Variants in DLK1 observed in about 807,000 individuals in gnomAD.
DLK1 encodes the protein protein delta homolog 1.
A neutral mutation model predicts 35.2 loss-of-function variants in DLK1; 9 were observed. That is an observed-to-expected ratio of 0.26 (90% CI 0.15 to 0.45). DLK1 has a LOEUF of 0.45. DLK1 is among the 20% of genes least tolerant of loss of function. DLK1 has a pLI of 1.00. For synonymous variants in DLK1, 231 were observed against 228.4 expected (o/e 1.01, Z -0.10); for missense variants, 522 against 528.5 (o/e 0.99, Z 0.12).
intron 1 of DLK1, among the ~76,000 whole-genome samples, chr14:100,727,732 C>T (rs1389747368): frequency 6.6e-6 from 1 of 152,128 alleles, no homozygotes; most frequent in African/African-American, 2.4e-5. Flanking sequence ...AGCTGGGGAG[C>T]TGGTTGAGTA....
In DLK1 at chr14:100,735,216, T is replaced by C. The variant is rs1294445276; in HGVS notation, c.*320T>C. ...AAAAACAAGGCAACAGAACCAGGGC[T>C]CAGTGCCGACGCCCCTACCCTGGGG... On this transcript the variant is annotated 3_prime_UTR_variant, in exon 5 of 5. Coordinates refer to ENST00000341267, the MANE Select transcript of DLK1 (RefSeq NM_003836.7). 1 of 239,524 alleles carries C rather than the reference T, an allele frequency of 4.2e-6. No individual in the cohort carries two copies. Among genetic ancestry groups the C allele is most frequent in the Non-Finnish European group, 7.9e-6 (1 of 126,756 alleles). The allele number at this position is 239,524 out of a possible 1,614,324, so 14.8% of individuals were successfully genotyped here.
At chr14:100,733,382 C>T (rs1359704036) in intron 4 of DLK1, among the ~76,000 whole-genome samples, 1 of 152,184 alleles carries the variant, frequency 6.6e-6, no homozygotes, top group Non-Finnish European at 1.5e-5. Context: ...AAAGCACTTA[C>T]ATTAAATGCT....
In DLK1 at chr14:100,735,758, G is replaced by A. The variant is rs1469972837; in HGVS notation, c.*862G>A. The A allele has an allele frequency of 6.6e-6, 1 of 152,200 alleles. No individual in the cohort carries two copies. Among genetic ancestry groups the A allele is most frequent in the African/African-American group, 2.4e-5 (1 of 41,448 alleles). The allele number at this position is 152,200 out of a possible 1,614,324, so 9.4% of individuals were successfully genotyped here. On this transcript the variant is annotated 3_prime_UTR_variant, in exon 5 of 5. Transcript: ENST00000341267. ...TGATGTTGAAATTTATCCTAACTGT[G>A]TTTCTCAAAGTGGGGAGCCTCCTGG...
intron 3 of DLK1, among the ~76,000 whole-genome samples, chr14:100,729,742 G>A (rs1680785731): frequency 6.6e-6 from 1 of 152,142 alleles, no homozygotes; most frequent in African/African-American, 2.4e-5. Context: ...GCATTTTCAG[G>A]CTGCGAAATG....
chr14:100,730,170 G>A (rs1171814380), intron 3 of DLK1, among the ~76,000 whole-genome samples: 1 of 152,182 alleles, frequency 6.6e-6, no homozygotes, highest in Non-Finnish European at 1.5e-5. Context: ...TATGGTGCAA[G>A]GTTTACCCGC....
Position 100,735,008 on chromosome 14 carries a change from G to C in DLK1, c.*112G>C. The C allele has an allele frequency of 7.1e-7, 1 of 1,401,524 alleles. No homozygotes were observed. The highest frequency in any genetic ancestry group is 9.5e-7 in the Non-Finnish European group (1 of 1,049,732). 86.8% of individuals were successfully genotyped at this position (1,401,524 alleles called of 1,614,324 possible). A position where few individuals can be genotyped will look rare whatever the true frequency, so the allele number is the denominator to read the frequency against. ...ATCTCTTGTGTCAAATCTGGTGAAC[G>C]CTACGCTTACATATATTGTCTTTGT... is the stretch of plus-strand genomic sequence containing the variant. On this transcript the variant is annotated 3_prime_UTR_variant, in exon 5 of 5. Coordinates refer to ENST00000341267, the MANE Select transcript of DLK1 (RefSeq NM_003836.7).
chr14:100,730,529 C>A (rs1228060710), intron 3 of DLK1, among the ~76,000 whole-genome samples: 1 of 152,202 alleles, frequency 6.6e-6, no homozygotes, highest in Admixed American at 6.5e-5. Flanking sequence ...CAGCTGCTGT[C>A]CCAGCAGAGA....
In DLK1 at chr14:100,735,079, T is replaced by C. The variant is rs1447933968; in HGVS notation, c.*183T>C. ...ATGCAAAAACAATCCTCTTTCTCTC[T>C]CTTAATGCATGATACAGAATAATAA... On this transcript the variant is annotated 3_prime_UTR_variant, in exon 5 of 5. Coordinates refer to ENST00000341267, the MANE Select transcript of DLK1 (RefSeq NM_003836.7). The C allele has an allele frequency of 1.5e-5, 9 of 611,732 alleles. No individual in the cohort carries two copies. The highest frequency in any genetic ancestry group is 7.4e-5 in the African/African-American group (4 of 53,952). The allele number at this position is 611,732 out of a possible 1,614,324, so 37.9% of individuals were successfully genotyped here. A position where few individuals can be genotyped will look rare whatever the true frequency, so the allele number is the denominator to read the frequency against.
In DLK1 at chr14:100,732,090, T is replaced by G. The variant is rs2036515470; in HGVS notation, c.311T>G (p.Val104Gly). ...SAPCANNRTC[V>G]SLDDGLYECS... ...CCCTGTGCCAACAACAGGACCTGCG[T>G]GAGCCTGGACGATGGCCTCTATGAA... Residue 104 changes from valine to glycine, a missense_variant, in exon 4 of 5, where the codon GTG (valine) becomes GGG (glycine). By Grantham distance (109) the Val-to-Gly change is moderately radical. Transcript: ENST00000341267. 2 of 1,613,978 alleles carry G rather than the reference T, an allele frequency of 1.2e-6. No homozygotes were observed. The highest frequency in any genetic ancestry group is 4.5e-5 in the East Asian group (2 of 44,874).
At chr14:100,732,326 C>T (rs2036519564) in intron 4 of DLK1, 143 bp downstream of exon 4, 2 of 1,282,594 alleles carry the variant, frequency 1.6e-6, no homozygotes, top group Non-Finnish European at 2.1e-6. Flanking sequence ...AGGGGACCGC[C>T]CTGGATGGGA....
At chr14:100,731,221 C>T (rs1003201812) in intron 3 of DLK1, among the ~76,000 whole-genome samples, 1 of 152,136 alleles carries the variant, frequency 6.6e-6, no homozygotes, top group African/African-American at 2.4e-5. Context: ...CACTGGGGAG[C>T]TGGGGTCTCC....
rs1189692624 is a variant in DLK1 at position 100,735,142 on chromosome 14, A to G, written c.*246A>G. On this transcript the variant is annotated 3_prime_UTR_variant, in exon 5 of 5. Transcript: ENST00000341267. ...CTTTAAATGAGTAAGAGAAATAAGT[A>G]TGTTATTCTAAAATCTAAACTCAAA... 3 of 389,582 alleles carry G rather than the reference A, an allele frequency of 7.7e-6. No individual in the cohort carries two copies. The highest frequency in any genetic ancestry group is 2.1e-5 in the African/African-American group (1 of 48,292). The allele number at this position is 389,582 out of a possible 1,614,324, so 24.1% of individuals were successfully genotyped here.
At position 100,734,413 on chromosome 14, in the gene DLK1, C is replaced by G; in HGVS notation, c.669C>G (p.Cys223Trp). The G allele has an allele frequency of 6.2e-7, 1 of 1,611,810 alleles. No individual in the cohort carries two copies. The highest frequency in any genetic ancestry group is 8.5e-7 in the Non-Finnish European group (1 of 1,178,996). ...ASSPCQNGGT[C>W]LQHTQVSYEC... ...GCCCGTGCCAGAACGGGGGCACCTG[C>G]CTGCAGCACACCCAGGTGAGCTACG... Residue 223 changes from cysteine to tryptophan, a missense_variant, in exon 5 of 5, where the codon TGC (cysteine) becomes TGG (tryptophan). Cys to Trp is a radical substitution (Grantham distance 215). Coordinates refer to ENST00000341267, the MANE Select transcript of DLK1 (RefSeq NM_003836.7). This position sits in a 1 kb window ranked among gnomAD's most constrained non-coding sequence, Gnocchi z 7.4.
chr14:100,728,624 C>CG (rs756240258), intron 2 of DLK1, 165 bp downstream of exon 2: 57,440 of 157,994 alleles, frequency 0.36, 10,081 homozygotes, highest in Middle Eastern at 0.45. Context: ...ATGGGGGGGG[C>CG]GGGGGGGGGG....
At chr14:100,728,506 G>C in intron 2 of DLK1, 47 bp downstream of exon 2, 2 of 1,606,558 alleles carry the variant, frequency 1.2e-6, no homozygotes, top group Non-Finnish European at 1.7e-6. Context: ...CCACGCAGAA[G>C]CCTGGGGAGT....
At chr14:100,730,810 C>T (rs2036498277) in intron 3 of DLK1, among the ~76,000 whole-genome samples, 1 of 152,230 alleles carries the variant, frequency 6.6e-6, no homozygotes, top group South Asian at 2.1e-4. Flanking sequence ...TTGCACCAAG[C>T]CGGGCTTCCA....
At chr14:100,733,942 G>A (rs2036537661) in intron 4 of DLK1, among the ~76,000 whole-genome samples, 1 of 141,938 alleles carries the variant, frequency 7.0e-6, no homozygotes, top group Non-Finnish European at 1.5e-5. Context: ...CTACTGGTGA[G>A]CTTCTCGCAG....
rs760634125 is a variant in DLK1, at chr14:100,728,452, G to T, written c.124G>T (p.Val42Phe). ...PQNGFCEDDN[V>F]CRCQPGWQGP... Reference sequence around the variant, plus strand: ...AAATGGATTCTGCGAGGATGACAATGTTTGCAGGTAATAGAGTGGCTCCTC... The same window carrying T: ...AAATGGATTCTGCGAGGATGACAATTTTTGCAGGTAATAGAGTGGCTCCTC... Residue 42 changes from valine (V) to phenylalanine (F), a missense_variant, in exon 2 of 5, where the codon GTT becomes TTT. Val to Phe is a conservative substitution (Grantham distance 50, BLOSUM62 -1). Coordinates refer to ENST00000341267, the MANE Select transcript of DLK1 (RefSeq NM_003836.7). 6.2e-7 allele frequency: 1 copy of T among 1,614,080 alleles called. No homozygotes were observed. The highest frequency in any genetic ancestry group is 8.5e-7 in the Non-Finnish European group (1 of 1,179,996).
chr14:100,731,457 A>C (rs2036505815), intron 3 of DLK1, among the ~76,000 whole-genome samples: 1 of 152,198 alleles, frequency 6.6e-6, no homozygotes, highest in African/African-American at 2.4e-5. Flanking sequence ...GCCTGAGTGC[A>C]GAAAGAGAGA....
Sources: gnomAD v4.1 joint callset for allele counts (sites outside exome capture counted in the v4.1 genomes callset) on GRCh38, gnomAD v4.1.1 for gene constraint, Gnocchi (gnomAD v3.1) non-coding constraint, MANE v1.5 for transcripts, NCBI Gene and HGNC (gene_info 2026-07-23, HGNC 2026-07-21) for gene names.